The following PCDHGB1 variants were observed in gnomAD, a reference collection of about 807,000 sequenced individuals.
PCDHGB1 encodes the protein protocadherin gamma subfamily B, 1.
Under a neutral mutation model 56.6 loss-of-function variants are expected in PCDHGB1, and 34 were observed. The observed-to-expected ratio is 0.60, with a 90% CI of 0.46 to 0.80. PCDHGB1 has a LOEUF of 0.80. Among genes scored for constraint, PCDHGB1 ranks in the 30% least tolerant of loss-of-function variants. PCDHGB1 has a pLI of 0.00. For missense variants in PCDHGB1, 1,278 were observed against 1,204.6 expected, an observed-to-expected ratio of 1.06 and a Z score of -0.90; for synonymous variants, 561 against 505.9, an observed-to-expected ratio of 1.11 and a Z score of -1.46.
intron 1 of PCDHGB1, chr5:141,419,426 G>C: frequency 6.2e-7 from 1 of 1,613,312 alleles, no homozygotes; most frequent in Non-Finnish European, 8.5e-7. Flanking sequence ...CTTCGACCAC[G>C]AGCAGCTGCG....
chr5:141,355,025 T>A, intron 1 of PCDHGB1: 2 of 933,162 alleles, frequency 2.1e-6, no homozygotes, highest in East Asian at 2.9e-5. Flanking sequence ...TTAATCAGAA[T>A]CACAAGATTT....
chr5:141,421,328 A>G (rs1355932974), intron 1 of PCDHGB1: 1 of 1,613,902 alleles, frequency 6.2e-7, no homozygotes. Flanking sequence ...CAGATCCGAT[A>G]TTCGGTGCCA....
chr5:141,454,366 GT>G (rs2098787984), intron 1 of PCDHGB1, among the ~76,000 whole-genome samples: 1 of 152,166 alleles, frequency 6.6e-6, no homozygotes, highest in Admixed American at 6.5e-5. Flanking sequence ...TTAGAAAGGA[GT>G]ATGGCAACTT....
intron 1 of PCDHGB1, among the ~76,000 whole-genome samples, chr5:141,420,727 G>C (rs1454487477): frequency 2.0e-5 from 3 of 152,180 alleles, no homozygotes; most frequent in African/African-American, 7.2e-5. Flanking sequence ...CTTTCAGTCG[G>C]TTAAAATCAA....
intron 1 of PCDHGB1, among the ~76,000 whole-genome samples, chr5:141,450,379 A>C (rs1269979263): frequency 6.6e-6 from 1 of 152,144 alleles, no homozygotes; most frequent in Non-Finnish European, 1.5e-5. Flanking sequence ...GTTTATATGA[A>C]ACTGACATTT....
chr5:141,385,131 C>A lies in PCDHGB1; in HGVS notation c.2409+32462C>A, dbSNP rs371376308. Reference sequence around the variant, plus strand: ...CCACCTCGCACTTTGTGGGCATGGACGGGGTGCAGGCTTTCCTGCAGACCT... The same window carrying A: ...CCACCTCGCACTTTGTGGGCATGGAAGGGGTGCAGGCTTTCCTGCAGACCT... On this transcript the variant is annotated intron_variant, in intron 1 of 3. Transcript: ENST00000523390. The A allele has an allele frequency of 1.2e-6, 2 of 1,614,200 alleles. No homozygotes were observed. Among genetic ancestry groups the A allele is most frequent in the Non-Finnish European group, 1.7e-6 (2 of 1,180,056 alleles).
At chr5:141,420,291 G>A in intron 1 of PCDHGB1, 1 of 1,494,346 alleles carries the variant, frequency 6.7e-7, no homozygotes, top group Non-Finnish European at 9.0e-7. Context: ...ATTTAAAAAT[G>A]TATTTAATCC....
chr5:141,403,863 C>CA (rs1449407003), intron 1 of PCDHGB1: 1 of 1,613,374 alleles, frequency 6.2e-7, no homozygotes, highest in Non-Finnish European at 8.5e-7. Flanking sequence ...ATATCAACAG[C>CA]AAAAAGTCTA....
rs2099702455 is a variant in PCDHGB1, at chr5:141,490,641, G to C, written c.2410-4166G>C. 6.2e-7 allele frequency: 1 copy of C among 1,614,042 alleles called. No homozygotes were observed. Among genetic ancestry groups the C allele is most frequent in the Admixed American group, 1.7e-5 (1 of 60,004 alleles). On this transcript the variant is annotated intron_variant, in intron 1 of 3. Coordinates refer to ENST00000523390, the MANE Select transcript of PCDHGB1 (RefSeq NM_018922.3). The surrounding 1 kb of genome is among the most constrained non-coding windows in gnomAD (Gnocchi z 5.4). ...ACACTGCTTACATCCTAGAAAACCG[G>C]CCTCCGGGCTCCCTTCTTTGCACTG...
Position 141,415,578 on chromosome 5 carries a change from G to A in PCDHGB1, c.2409+62909G>A, listed in dbSNP as rs372519745. On this transcript the variant is annotated intron_variant, in intron 1 of 3. Transcript: ENST00000523390. ...ATCCTTTGTCTTTGTTAGATGATTCGAAGTTTCCTATAGAGGATACCCCAT... is the reference window on the plus strand; with the variant it reads ...ATCCTTTGTCTTTGTTAGATGATTCAAAGTTTCCTATAGAGGATACCCCAT... 678 of 1,613,890 alleles carry A rather than the reference G, an allele frequency of 4.2e-4. 10 individuals are homozygous for A. In the South Asian group the frequency reaches 6.8e-3, roughly 16 times the overall value.
intron 1 of PCDHGB1, among the ~76,000 whole-genome samples, chr5:141,466,246 A>G (rs1357175003): frequency 6.6e-6 from 1 of 152,100 alleles, no homozygotes; most frequent in Non-Finnish European, 1.5e-5. Flanking sequence ...TCATGGCTCA[A>G]TGCAGCCTTG....
At chr5:141,399,751 G>T (rs564705346) in intron 1 of PCDHGB1, 2 of 1,613,322 alleles carry the variant, frequency 1.2e-6, no homozygotes, top group Non-Finnish European at 1.7e-6. Context: ...CAGCGCAAAC[G>T]TGAGCCTGCG....
In PCDHGB1 at chr5:141,360,298, G is replaced by A. The variant is rs368468229; in HGVS notation, c.2409+7629G>A. On this transcript the variant is annotated intron_variant, in intron 1 of 3. Transcript: ENST00000523390. Reference sequence around the variant, plus strand: ...CGTAGGAAACCTCGCCAAGGATCTGGGGCTCAGCGTCCGGGACTTGCCAGC... The same window carrying A: ...CGTAGGAAACCTCGCCAAGGATCTGAGGCTCAGCGTCCGGGACTTGCCAGC... 268 of 1,613,990 alleles carry A rather than the reference G, an allele frequency of 1.7e-4. No individual in the cohort carries two copies. The highest frequency in any genetic ancestry group is 2.2e-4 in the Non-Finnish European group (260 of 1,179,896).
chr5:141,376,675 CG>C (rs1228548126), intron 1 of PCDHGB1: 139 of 345,036 alleles, frequency 4.0e-4, no homozygotes, highest in South Asian at 5.8e-4. Context: ...GTGAGGGTAT[CG>C]TTTTTTTTTT....
At chr5:141,359,517 G>A (rs1030061607) in intron 1 of PCDHGB1, among the ~76,000 whole-genome samples, 1 of 149,356 alleles carries the variant, frequency 6.7e-6, no homozygotes, top group Non-Finnish European at 1.5e-5. Flanking sequence ...TATATTATGG[G>A]CCACTAGATA....
intron 1 of PCDHGB1, among the ~76,000 whole-genome samples, chr5:141,445,814 T>C (rs1554133709): frequency 6.6e-6 from 1 of 152,182 alleles, no homozygotes; most frequent in Non-Finnish European, 1.5e-5. Context: ...TAGATGAAAC[T>C]AATAAGGCAG....
intron 1 of PCDHGB1, chr5:141,382,716 C>A (rs11575956): frequency 2.0e-6 from 1 of 488,008 alleles, no homozygotes; most frequent in Non-Finnish European, 3.5e-6. Context: ...CAGAAACCAC[C>A]GAGTTTTACA....
chr5:141,390,509 A>G, intron 1 of PCDHGB1: 1 of 590,022 alleles, frequency 1.7e-6, no homozygotes, highest in Non-Finnish European at 2.9e-6. Flanking sequence ...GCTTAGATTT[A>G]TAAAGCAATG....
At chr5:141,371,049 G>A (rs1334799449) in intron 1 of PCDHGB1, 11 of 1,613,826 alleles carry the variant, frequency 6.8e-6, no homozygotes, top group Non-Finnish European at 8.5e-6. Flanking sequence ...GGATGGGGGC[G>A]AGCCCTCCAG....
Sources: allele counts gnomAD v4.1 joint callset (sites outside exome capture counted in the v4.1 genomes callset), GRCh38; gene constraint gnomAD v4.1.1; non-coding constraint Gnocchi (gnomAD v3.1); transcripts MANE v1.5; gene names NCBI Gene and HGNC (gene_info 2026-07-23, HGNC 2026-07-21).